GALNTL6: variants seen among roughly 807,000 people sequenced by gnomAD.
GALNTL6 encodes the protein polypeptide N-acetylgalactosaminyltransferase like 6.
In GALNTL6, 46 loss-of-function variants were observed where a neutral mutation model predicts 73.7. The observed-to-expected ratio is 0.62, with a 90% CI of 0.49 to 0.80. The LOEUF is 0.80. Among genes scored for constraint, GALNTL6 ranks in the 30% least tolerant of loss-of-function variants. The probability of loss-of-function intolerance (pLI) is 0.00; values close to 1 mark genes in which losing one functional copy is unlikely to be tolerated. For missense variants in GALNTL6, 604 were observed against 755.0 expected (o/e 0.80, Z 2.34); for synonymous variants, 259 against 263.7 (o/e 0.98, Z 0.17).
chr4:172,575,108 A>G (rs1413263556), intron 5 of GALNTL6, among the ~76,000 whole-genome samples: 1 of 152,196 alleles, frequency 6.6e-6, no homozygotes, highest in African/African-American at 2.4e-5. Context: ...AAAAGTTATC[A>G]GGGGATTCCT....
chr4:172,776,925 C>T (rs188047439), intron 5 of GALNTL6, among the ~76,000 whole-genome samples: 115 of 152,246 alleles, frequency 7.6e-4, no homozygotes, highest in African/African-American at 2.7e-3. Context: ...CGCATTTCTA[C>T]TATAGTGGAT....
intron 2 of GALNTL6, among the ~76,000 whole-genome samples, chr4:172,073,805 T>C (rs558243975): frequency 3.3e-5 from 5 of 152,188 alleles, no homozygotes; most frequent in Non-Finnish European, 7.3e-5. Context: ...TACTGCAATT[T>C]GGCTGAGGGC....
chr4:172,905,096 G>T lies in GALNTL6; in HGVS notation c.1041+22189G>T, dbSNP rs181486563. On this transcript the variant is annotated intron_variant, in intron 8 of 12. Coordinates refer to ENST00000506823, the MANE Select transcript of GALNTL6 (RefSeq NM_001034845.3). ...GAGCCTTAACAAGGAAAAGTAACGGGTTAGCACTTAAATGTCATCAAATTT... is the reference window on the plus strand; with the variant it reads ...GAGCCTTAACAAGGAAAAGTAACGGTTTAGCACTTAAATGTCATCAAATTT... 5.9e-5 allele frequency among the ~76,000 whole-genome samples: 9 copies of T among 152,204 alleles called. No homozygotes were observed. In the East Asian group the frequency reaches 1.7e-3, roughly 29 times the overall value.
At chr4:172,481,629 T>G (rs1733478712) in intron 5 of GALNTL6, among the ~76,000 whole-genome samples, 2 of 152,128 alleles carry the variant, frequency 1.3e-5, no homozygotes, top group Admixed American at 1.3e-4. Flanking sequence ...GAGTGCTGAT[T>G]GGTATATTTA....
intron 5 of GALNTL6, among the ~76,000 whole-genome samples, chr4:172,487,867 TA>T (rs1375604416): frequency 2.0e-5 from 3 of 152,246 alleles, no homozygotes; most frequent in Non-Finnish European, 2.9e-5. Context: ...TACATGATCA[TA>T]AGTTCCTCTT....
chr4:172,822,323 C>T (rs971856163), intron 7 of GALNTL6, among the ~76,000 whole-genome samples: 1 of 151,922 alleles, frequency 6.6e-6, no homozygotes, highest in South Asian at 2.1e-4. Context: ...TTTCTCACTG[C>T]GACTTCTGTA....
chr4:172,597,230 A>G (rs1737888969), intron 5 of GALNTL6, among the ~76,000 whole-genome samples: 1 of 152,136 alleles, frequency 6.6e-6, no homozygotes, highest in African/African-American at 2.4e-5. Flanking sequence ...TGGATATGAC[A>G]CTGCCTCAGT....
intron 5 of GALNTL6, among the ~76,000 whole-genome samples, chr4:172,727,021 A>C (rs1293119747): frequency 1.3e-5 from 2 of 152,256 alleles, no homozygotes; most frequent in African/African-American, 4.8e-5. Context: ...TCAGATTAAA[A>C]ACTTAATAAA....
chr4:172,291,772 G>GGCA (rs532161942), intron 3 of GALNTL6, among the ~76,000 whole-genome samples: 381 of 138,326 alleles, frequency 2.8e-3, no homozygotes, highest in African/African-American at 9.7e-3. Context: ...TTTCTCTTCT[G>GGCA]GCAGCCACAT....
intron 5 of GALNTL6, among the ~76,000 whole-genome samples, chr4:172,572,269 A>G (rs943337295): frequency 2.6e-5 from 4 of 152,182 alleles, no homozygotes; most frequent in African/African-American, 4.8e-5. Context: ...TTTCTGGAAG[A>G]TAATGATGAT....
rs115624178 is a variant in GALNTL6, at chr4:172,893,639, G to A, written c.1041+10732G>A. On this transcript the variant is annotated intron_variant, in intron 8 of 12. Coordinates refer to ENST00000506823, the MANE Select transcript of GALNTL6 (RefSeq NM_001034845.3). ...GGGCACAAAGATCAGATGCACCCCC[G>A]TCCCACGGAAGAAATAGCCAAGCCC... 9.6e-3 allele frequency among the ~76,000 whole-genome samples: 1,458 copies of A among 152,288 alleles called. 18 individuals carry two copies. The highest frequency in any genetic ancestry group is 0.023 in the South Asian group (111 of 4,826).
At chr4:172,276,207 A>C (rs1738827622) in intron 3 of GALNTL6, among the ~76,000 whole-genome samples, 1 of 152,200 alleles carries the variant, frequency 6.6e-6, no homozygotes, top group Non-Finnish European at 1.5e-5. Flanking sequence ...TTATCTCCGA[A>C]GAAGAAACAT....
intron 2 of GALNTL6, among the ~76,000 whole-genome samples, chr4:172,167,203 T>C (rs961717082): frequency 1.3e-5 from 2 of 152,192 alleles, no homozygotes; most frequent in Admixed American, 1.3e-4. Flanking sequence ...TGCAATGATA[T>C]TTGTAAAGAT....
intron 2 of GALNTL6, among the ~76,000 whole-genome samples, chr4:172,010,973 A>C (rs947456622): frequency 3.9e-5 from 6 of 152,058 alleles, no homozygotes; most frequent in African/African-American, 1.4e-4. Flanking sequence ...ATTATGAAAA[A>C]TTTGATTAAT....
At chr4:171,995,406 A>G (rs542130115) in intron 2 of GALNTL6, among the ~76,000 whole-genome samples, 2 of 152,162 alleles carry the variant, frequency 1.3e-5, no homozygotes, top group South Asian at 4.1e-4. Context: ...AGCATTGTTT[A>G]TTTTACCGAA....
At chr4:172,183,347 T>G (rs1251122064) in intron 2 of GALNTL6, among the ~76,000 whole-genome samples, 1 of 152,212 alleles carries the variant, frequency 6.6e-6, no homozygotes, top group East Asian at 1.9e-4. Flanking sequence ...TATAGGGATA[T>G]CCTTAGAGAA....
At chr4:171,865,028 C>T (rs184533901) in intron 2 of GALNTL6, among the ~76,000 whole-genome samples, 7 of 152,118 alleles carry the variant, frequency 4.6e-5, no homozygotes, top group African/African-American at 1.7e-4. Flanking sequence ...CACCTCTAAT[C>T]CCAGCTACTC....
chr4:172,289,652 A>C (rs1339839977), intron 3 of GALNTL6, among the ~76,000 whole-genome samples: 1 of 152,224 alleles, frequency 6.6e-6, no homozygotes, highest in Non-Finnish European at 1.5e-5. Flanking sequence ...GAGCTGGCAC[A>C]ATCCTGGCAA....
chr4:172,918,159 T>A (rs1747620989), intron 8 of GALNTL6, among the ~76,000 whole-genome samples: 1 of 152,132 alleles, frequency 6.6e-6, no homozygotes. Flanking sequence ...AAACACCGCA[T>A]GCTCTCACTC....
Sources: gnomAD v4.1 joint callset for allele counts (sites outside exome capture counted in the v4.1 genomes callset) on GRCh38, gnomAD v4.1.1 for gene constraint, MANE v1.5 for transcripts, NCBI Gene and HGNC (gene_info 2026-07-23, HGNC 2026-07-21) for gene names.